Variants in TRIM37 observed in about 807,000 individuals in gnomAD.
TRIM37 encodes E3 ubiquitin-protein ligase TRIM37.
In TRIM37, 80 loss-of-function variants were observed where a neutral mutation model predicts 129.8. The observed-to-expected ratio is 0.62, with a 90% CI of 0.51 to 0.74. The LOEUF (loss-of-function observed/expected upper bound fraction) is 0.74, where lower values mean the gene tolerates loss of function less well. Ranked by LOEUF, TRIM37 falls within the 30% of genes least tolerant of loss-of-function variation. The probability of loss-of-function intolerance (pLI) is 0.00; values close to 1 mark genes in which losing one functional copy is unlikely to be tolerated. For missense variants in TRIM37, 1,054 were observed against 1,176.5 expected (o/e 0.90, Z 1.52); for synonymous variants, 389 against 387.1 (o/e 1.00, Z -0.06).
chr17:58,980,668 AG>A, downstream of TRIM37: 1 of 1,614,222 alleles, frequency 6.2e-7, no homozygotes, highest in Non-Finnish European at 8.5e-7. This position sits in a 1 kb window ranked among gnomAD's most constrained non-coding sequence, Gnocchi z 4.7. Context: ...TGGGTTCAAC[AG>A]GGGAGCAGAT....
chr17:58,979,908 A>G (rs1465728081), downstream of TRIM37: 4 of 1,299,336 alleles, frequency 3.1e-6, no homozygotes, highest in Non-Finnish European at 4.3e-6. Flanking sequence ...GGCATTGGTC[A>G]TAAACGTTCT....
chr17:59,070,920 T>C lies in TRIM37; in HGVS notation c.712A>G (p.Ile238Val), dbSNP rs774186418. Residue 238 changes from isoleucine (I) to valine (V), a missense_variant, in exon 9 of 24, where the codon ATA becomes GTA. This residue lies in a region of TRIM37 where 752 missense variants were observed against 870.8 expected (regional missense o/e 0.86). Coordinates refer to ENST00000262294, the MANE Select transcript of TRIM37 (RefSeq NM_015294.6). The part of the protein sequence containing the change: ...QLRSCSKSEL[I>V]SKSSEILMMF... ...ATAAGGATCTCTGAGCTCTTAGATATCAACTCACTCTTACTACAAGACCGC... is the reference window on the plus strand; with the variant it reads ...ATAAGGATCTCTGAGCTCTTAGATACCAACTCACTCTTACTACAAGACCGC... The C allele has an allele frequency of 6.2e-7, 1 of 1,614,012 alleles. No homozygotes were observed. Among genetic ancestry groups the C allele is most frequent in the Non-Finnish European group, 8.5e-7 (1 of 1,179,966 alleles).
intron 24 of TRIM37, among the ~76,000 whole-genome samples, chr17:58,991,873 T>C (rs2144139572): frequency 6.6e-6 from 1 of 152,190 alleles, no homozygotes; most frequent in Non-Finnish European, 1.5e-5. Context: ...AAGACTCTAC[T>C]TACCATATGA....
chr17:58,991,501 A>C (rs2144129390), intron 24 of TRIM37, among the ~76,000 whole-genome samples: 1 of 151,676 alleles, frequency 6.6e-6, no homozygotes, highest in South Asian at 2.1e-4. Context: ...AAAAAAAAGT[A>C]ATAATAAATA....
intron 18 of TRIM37, among the ~76,000 whole-genome samples, chr17:59,029,451 C>T (rs1216960007): frequency 6.6e-6 from 1 of 152,156 alleles, no homozygotes; most frequent in Non-Finnish European, 1.5e-5. Flanking sequence ...GACTCTAGTT[C>T]TACTTACCAC....
intron 2 of TRIM37, among the ~76,000 whole-genome samples, chr17:59,096,227 T>C (rs1395979704): frequency 6.6e-6 from 1 of 151,706 alleles, no homozygotes; most frequent in East Asian, 1.9e-4. Flanking sequence ...TTACTGTTAG[T>C]GTAACAGGAG....
Position 58,998,662 on chromosome 17 carries a change from G to T in TRIM37, c.*715C>A. 1 of 985,054 alleles carries T rather than the reference G, an allele frequency of 1.0e-6. No individual in the cohort carries two copies. Among genetic ancestry groups the T allele is most frequent in the African/African-American group, 1.7e-5 (1 of 57,336 alleles). The allele number at this position is 985,054 out of a possible 1,614,324, so 61.0% of individuals were successfully genotyped here. Reference sequence around the variant, plus strand: ...CGTATAGTAAGAGGCAGAAAAAAATGAAAGAATTTTAAATAATCTTACACG... The same window carrying T: ...CGTATAGTAAGAGGCAGAAAAAAATTAAAGAATTTTAAATAATCTTACACG... On this transcript the variant is annotated 3_prime_UTR_variant, in exon 24 of 24. Transcript: ENST00000262294.
At chr17:59,021,648 G>T (rs1164467166) in intron 19 of TRIM37, among the ~76,000 whole-genome samples, 2 of 151,986 alleles carry the variant, frequency 1.3e-5, no homozygotes, top group African/African-American at 2.4e-5. Context: ...TGGCTGGGGG[G>T]ATGGTTAATG....
rs761914826 is a variant in TRIM37 at position 59,001,594 on chromosome 17, G to A, written c.2812+4C>T. 15 of 1,613,894 alleles carry A rather than the reference G, an allele frequency of 9.3e-6. No homozygotes were observed. Among genetic ancestry groups the A allele is most frequent in the Middle Eastern group, 1.6e-4 (1 of 6,078 alleles). ...TCTGTGTAAAATGACATCATGTGCT[G>A]CACCTTCATCCGGGGGCTGTGTCAT... is the stretch of plus-strand genomic sequence containing the variant. On this transcript the variant is annotated splice_donor_region_variant and intron_variant, in intron 23 of 23. Coordinates refer to ENST00000262294, the MANE Select transcript of TRIM37 (RefSeq NM_015294.6).
At chr17:58,995,402 C>CT (rs953316969), downstream of TRIM37, among the ~76,000 whole-genome samples, 1 of 141,894 alleles carries the variant, frequency 7.0e-6, no homozygotes, top group Admixed American at 7.1e-5. Context: ...CAAAGAAATG[C>CT]TTAAAAAAAA....
chr17:59,084,405 T>G (rs2043572208), intron 4 of TRIM37, among the ~76,000 whole-genome samples: 1 of 152,190 alleles, frequency 6.6e-6, no homozygotes. Flanking sequence ...TACTACATTT[T>G]GGGCATGTGC....
chr17:59,104,182 C>T, intron 2 of TRIM37, 111 bp downstream of exon 2: 1 of 980,660 alleles, frequency 1.0e-6, no homozygotes, highest in Non-Finnish European at 1.6e-6. Context: ...AAGCACAGTG[C>T]AAGCAAGCAC....
chr17:58,979,533 G>A (rs188328518), downstream of TRIM37, among the ~76,000 whole-genome samples: 1 of 152,252 alleles, frequency 6.6e-6, no homozygotes, highest in East Asian at 1.9e-4. Context: ...TCAGAGCTTT[G>A]GTTTGCTTCT....
intron 2 of TRIM37, among the ~76,000 whole-genome samples, chr17:59,102,818 G>A (rs372706964): frequency 5.3e-4 from 80 of 152,244 alleles, no homozygotes; most frequent in African/African-American, 1.8e-3. Context: ...TAAGTGTTAC[G>A]GATAATACTC....
At position 59,081,199 on chromosome 17, in the gene TRIM37, T is replaced by C; in HGVS notation, c.390A>G (p.Lys130=). 1 of 1,613,900 alleles carries C rather than the reference T, an allele frequency of 6.2e-7. No homozygotes were observed. Among genetic ancestry groups the C allele is most frequent in the South Asian group, 1.1e-5 (1 of 91,082 alleles). Residue 130 remains lysine (K), a synonymous_variant, in exon 6 of 24, where the codon AAA becomes AAG. Coordinates refer to ENST00000262294, the MANE Select transcript of TRIM37 (RefSeq NM_015294.6). The stretch of plus-strand genomic sequence containing the variant: ...GTTGCTCATAAATTTCTGCCAAAGG[T>C]TTAAAGGTATGTCCGCCATGCTATT... ...WGGMHGGHTF[K]PLAEIYEQHV...
chr17:59,089,469 T>C (rs1191578174), intron 3 of TRIM37, among the ~76,000 whole-genome samples: 1 of 151,990 alleles, frequency 6.6e-6, no homozygotes, highest in Non-Finnish European at 1.5e-5. Flanking sequence ...GGTGAAACGC[T>C]GTCTCTACTA....
At position 59,062,094 on chromosome 17, in the gene TRIM37, C is replaced by T. The variant is rs549043844; in HGVS notation, c.942+473G>A. Among the ~76,000 whole-genome samples the T allele has an allele frequency of 4.0e-4, 60 of 151,322 alleles. 1 individual carries two copies. In the South Asian group the frequency reaches 0.012, roughly 29 times the overall value. The stretch of plus-strand genomic sequence containing the variant: ...TTCAATGTGTAACTGAGAATACTAA[C>T]CCAGGAGGGCTAAAATGTGTAATAG... On this transcript the variant is annotated intron_variant, in intron 11 of 23. Coordinates refer to ENST00000262294, the MANE Select transcript of TRIM37 (RefSeq NM_015294.6).
intron 2 of TRIM37, among the ~76,000 whole-genome samples, chr17:59,094,320 A>G (rs2044664394): frequency 1.3e-5 from 2 of 152,224 alleles, no homozygotes; most frequent in Non-Finnish European, 1.5e-5. Context: ...TATTAAACAA[A>G]TATCTTTAGA....
chr17:58,992,336 T>C (rs999500306), intron 24 of TRIM37, among the ~76,000 whole-genome samples: 5 of 146,410 alleles, frequency 3.4e-5, no homozygotes, highest in Non-Finnish European at 7.4e-5. Flanking sequence ...TATATATATA[T>C]ATATATAAAT....
Sources: gnomAD v4.1 joint callset for allele counts (sites outside exome capture counted in the v4.1 genomes callset) on GRCh38, gnomAD v4.1.1 for gene constraint, gnomAD v4.1.1 regional missense constraint, Gnocchi (gnomAD v3.1) non-coding constraint, MANE v1.5 for transcripts, NCBI Gene and HGNC (gene_info 2026-07-23, HGNC 2026-07-21) for gene names.